Variants in ENDOG observed in about 807,000 individuals in gnomAD.
The protein encoded by ENDOG is endonuclease G, also known as endonuclease G, mitochondrial.
In ENDOG, 22 loss-of-function variants were observed where a neutral mutation model predicts 22.6. The ratio of observed to expected loss-of-function variants is 0.97; its 90% confidence interval spans 0.70 to 1.39. ENDOG has a LOEUF of 1.39. Ranked by LOEUF, ENDOG falls within the 40% of genes most tolerant of loss-of-function variation. The probability of loss-of-function intolerance (pLI) is 0.00; values close to 1 mark genes in which losing one functional copy is unlikely to be tolerated. For synonymous variants in ENDOG, 173 were observed against 200.2 expected (o/e 0.86, Z 1.15); for missense variants, 403 against 431.3 (o/e 0.93, Z 0.58).
Position 128,818,680 on chromosome 9 carries a change from C to T in ENDOG, c.-5C>T, listed in dbSNP as rs1830043415. On this transcript the variant is annotated 5_prime_UTR_variant, in exon 1 of 3. Transcript: ENST00000372642. ...GGTCGCCCGCCGCTAGGTCGCTCCC[C>T]GGCCATGCGGGCGCTGCGGGCCGGC... The T allele has an allele frequency of 2.6e-6, 3 of 1,165,320 alleles. No homozygotes were observed. Among genetic ancestry groups the T allele is most frequent in the African/African-American group, 1.6e-5 (1 of 61,778 alleles). The allele number at this position is 1,165,320 out of a possible 1,614,324, so 72.2% of individuals were successfully genotyped here. A position where few individuals can be genotyped will look rare whatever the true frequency, so the allele number is the denominator to read the frequency against.
intron 1 of ENDOG, 122 bp downstream of exon 1, chr9:128,819,307 G>C: frequency 1.5e-6 from 2 of 1,331,746 alleles, no homozygotes; most frequent in Non-Finnish European, 1.9e-6. Flanking sequence ...AGGCATCGCA[G>C]TGACATCCCG....
At chr9:128,822,079 C>T in intron 2 of ENDOG, 1 of 561,830 alleles carries the variant, frequency 1.8e-6, no homozygotes, top group South Asian at 2.1e-5. Flanking sequence ...ATTCTCCTAG[C>T]AGCGTTTATT....
At chr9:128,820,630 TCA>T (rs1830091733) in intron 1 of ENDOG, 107 bp from the exon 2 acceptor site, 1 of 862,796 alleles carries the variant, frequency 1.2e-6, no homozygotes, top group East Asian at 2.7e-5. Flanking sequence ...CCCGCTTGTC[TCA>T]CTGGATATCT....
In ENDOG at chr9:128,822,447, TC is replaced by T. The variant is rs1564434058; in HGVS notation, c.733del (p.Arg245AlafsTer4). On this transcript the variant is annotated frameshift_variant, in exon 3 of 3. Transcript: ENST00000372642. LOFTEE classifies it high-confidence loss of function. ...ILEAAGGQIE[L>X]RTYVMPNAPV... ...GAGGCAGCAGGTGGGCAAATTGAGC[TC>T]CGCACCTACGTGATGCCCAACGCAC... is the stretch of plus-strand genomic sequence containing the variant. 2 of 1,590,316 alleles carry T rather than the reference TC, an allele frequency of 1.3e-6. No individual in the cohort carries two copies. Among genetic ancestry groups the T allele is most frequent in the South Asian group, 1.1e-5 (1 of 87,914 alleles).
intron 1 of ENDOG, 33 bp downstream of exon 1, chr9:128,819,218 G>A: frequency 7.0e-7 from 1 of 1,429,348 alleles, no homozygotes; most frequent in Non-Finnish European, 9.1e-7. Context: ...GTCGCGGAAT[G>A]CGGGGCCGGC....
intron 1 of ENDOG, among the ~76,000 whole-genome samples, chr9:128,819,418 T>A (rs1004175835): frequency 6.6e-6 from 1 of 152,192 alleles, no homozygotes; most frequent in African/African-American, 2.4e-5. Flanking sequence ...GAGCGTCGCT[T>A]TCCTCGTCAA....
rs558558430 is a variant in ENDOG, at chr9:128,818,725, C to T, written c.41C>T (p.Ala14Val). 8.9e-5 allele frequency: 104 copies of T among 1,172,968 alleles called. No individual in the cohort carries two copies. In the Middle Eastern group the frequency reaches 1.0e-3, roughly 12 times the overall value. 72.7% of individuals were successfully genotyped at this position (1,172,968 alleles called of 1,614,324 possible). The change falls in exon 1 of 3, where the codon GCG becomes GTG. Residue 14 changes from alanine to valine, a missense_variant. Coordinates refer to ENST00000372642, the MANE Select transcript of ENDOG (RefSeq NM_004435.2). ...LRAGLTLASGAGLGAVVEGWR... is the reference protein window; with the variant it reads ...LRAGLTLASGVGLGAVVEGWR... ...GCCGGCCTGACCCTGGCGTCGGGCG[C>T]GGGGCTGGGTGCGGTCGTCGAGGGC...
chr9:128,818,616 C>G lies in ENDOG; in HGVS notation c.-69C>G. On this transcript the variant is annotated 5_prime_UTR_variant, in exon 1 of 3. Transcript: ENST00000372642. ...CGCGGCCCCAGCAGCCCTGTGCCCT[C>G]GTTGGATCCCGCGACGCGGCTCCTT... 1.0e-5 allele frequency: 11 copies of G among 1,089,978 alleles called. No homozygotes were observed. The highest frequency in any genetic ancestry group is 1.2e-5 in the Non-Finnish European group (11 of 897,496). The allele number at this position is 1,089,978 out of a possible 1,614,324, so 67.5% of individuals were successfully genotyped here. A position where few individuals can be genotyped will look rare whatever the true frequency, so the allele number is the denominator to read the frequency against.
At chr9:128,822,139 AAG>A in intron 2 of ENDOG, 187 bp from the exon 3 acceptor site, 1 of 657,982 alleles carries the variant, frequency 1.5e-6, no homozygotes, top group Admixed American at 3.0e-5. Context: ...AACAGAGGGA[AAG>A]AGTTAACCAC....
At chr9:128,819,293 G>C (rs994768895) in intron 1 of ENDOG, 108 bp downstream of exon 1, 4 of 1,357,170 alleles carry the variant, frequency 2.9e-6, no homozygotes, top group Non-Finnish European at 3.8e-6. Flanking sequence ...ACGCGCCCCC[G>C]GTCAGGCATC....
intron 2 of ENDOG, chr9:128,821,315 A>T (rs1209150458): frequency 1.2e-5 from 1 of 86,454 alleles, no homozygotes; most frequent in African/African-American, 5.5e-5. Flanking sequence ...CGCCTTCCCC[A>T]TGCAGGTCCC....
chr9:128,820,914 G>A, intron 2 of ENDOG, 66 bp downstream of exon 2: 2 of 1,431,006 alleles, frequency 1.4e-6, no homozygotes, highest in Non-Finnish European at 1.9e-6. Context: ...GCCACTCACA[G>A]GGCCAGGCTT....
intron 2 of ENDOG, chr9:128,821,752 C>T (rs1046111975): frequency 1.5e-4 from 25 of 162,298 alleles, no homozygotes; most frequent in African/African-American, 6.0e-4. Flanking sequence ...GACCTGTGTC[C>T]CCCTCTGCAA....
At chr9:128,821,232 T>C in intron 2 of ENDOG, 5 of 244,268 alleles carry the variant, frequency 2.0e-5, no homozygotes, top group South Asian at 4.9e-5. Context: ...TCTCCCGCCT[T>C]CCCCCTGCAG....
rs771029464 is a variant in ENDOG at position 128,822,647 on chromosome 9, C to T, written c.*37C>T. 64 of 1,556,724 alleles carry T rather than the reference C, an allele frequency of 4.1e-5. No homozygotes were observed. The highest frequency in any genetic ancestry group is 5.9e-5 in the Admixed American group (3 of 51,204). Reference sequence around the variant, plus strand: ...AGTGAGACTGTGGGTGTGTGCAGGCCGGGGAGTATTAAAGGTGGTGATTTT... The same window carrying T: ...AGTGAGACTGTGGGTGTGTGCAGGCTGGGGAGTATTAAAGGTGGTGATTTT... On this transcript the variant is annotated 3_prime_UTR_variant, in exon 3 of 3. Coordinates refer to ENST00000372642, the MANE Select transcript of ENDOG (RefSeq NM_004435.2).
rs753325227 is a variant in ENDOG, at chr9:128,820,868, G to C, written c.611+20G>C. ...GCCCAGGTAAGGTGGAAACCAGGGG[G>C]GCGGCAGAACCTCCCACTCACCTGA... On this transcript the variant is annotated intron_variant, in intron 2 of 2. Coordinates refer to ENST00000372642, the MANE Select transcript of ENDOG (RefSeq NM_004435.2). 6.3e-7 allele frequency: 1 copy of C among 1,588,030 alleles called. No individual in the cohort carries two copies. Among genetic ancestry groups the C allele is most frequent in the South Asian group, 1.1e-5 (1 of 87,954 alleles).
chr9:128,822,645 G>A lies in ENDOG; in HGVS notation c.*35G>A. 2 of 1,557,470 alleles carry A rather than the reference G, an allele frequency of 1.3e-6. No individual in the cohort carries two copies. Among genetic ancestry groups the A allele is most frequent in the Admixed American group, 3.9e-5 (2 of 51,264 alleles). ...CCAGTGAGACTGTGGGTGTGTGCAG[G>A]CCGGGGAGTATTAAAGGTGGTGATT... On this transcript the variant is annotated 3_prime_UTR_variant, in exon 3 of 3. Coordinates refer to ENST00000372642, the MANE Select transcript of ENDOG (RefSeq NM_004435.2).
chr9:128,819,249 G>T, intron 1 of ENDOG, 64 bp downstream of exon 1: 1 of 1,401,772 alleles, frequency 7.1e-7, no homozygotes, highest in Non-Finnish European at 9.2e-7. Flanking sequence ...GCGGGGCCTC[G>T]GTTTGTTCTT....
intron 1 of ENDOG, 185 bp from the exon 2 acceptor site, chr9:128,820,554 G>C: frequency 1.7e-6 from 1 of 592,850 alleles, no homozygotes; most frequent in Non-Finnish European, 3.0e-6. Flanking sequence ...ACAGAGGGTG[G>C]TGGCTAGCAC....
Sources: allele counts gnomAD v4.1 joint callset (sites outside exome capture counted in the v4.1 genomes callset), GRCh38; gene constraint gnomAD v4.1.1; transcripts MANE v1.5; gene names NCBI Gene and HGNC (gene_info 2026-07-23, HGNC 2026-07-21).